ANKHD1: variants seen among roughly 807,000 people sequenced by gnomAD.
The protein encoded by ANKHD1 is ankyrin repeat and KH domain containing 1, also known as ankyrin repeat and KH domain-containing protein 1.
Under a neutral mutation model 230.5 loss-of-function variants are expected in ANKHD1, and 31 were observed. The observed-to-expected ratio is 0.13, with a 90% CI of 0.10 to 0.18. ANKHD1 has a LOEUF of 0.18. ANKHD1 is among the 10% of genes least tolerant of loss of function. The pLI, the probability that ANKHD1 is intolerant of heterozygous loss-of-function variation, is 1.00. For synonymous variants in ANKHD1, 1,074 were observed against 1,117.6 expected (o/e 0.96, Z 0.78); for missense variants, 2,256 against 3,071.3 (o/e 0.73, Z 6.27).
intron 14 of ANKHD1, among the ~76,000 whole-genome samples, chr5:140,490,942 CTT>C (rs998509777): frequency 1.3e-5 from 2 of 151,540 alleles, no homozygotes; most frequent in Non-Finnish European, 2.9e-5. Flanking sequence ...TAACTTCTCT[CTT>C]GTTTCATTTA....
chr5:140,499,167 A>G (rs1752166923), intron 15 of ANKHD1, among the ~76,000 whole-genome samples: 1 of 152,034 alleles, frequency 6.6e-6, no homozygotes, highest in Non-Finnish European at 1.5e-5. Context: ...GTTTTGAACT[A>G]TATGGCAGTA....
chr5:140,496,171 C>T (rs556029713), intron 14 of ANKHD1, among the ~76,000 whole-genome samples: 2 of 152,208 alleles, frequency 1.3e-5, no homozygotes, highest in South Asian at 4.1e-4. Flanking sequence ...TTTAAAAAGT[C>T]CAATCTAATC....
At chr5:140,483,649 G>T (rs1333723480) in intron 11 of ANKHD1, among the ~76,000 whole-genome samples, 2 of 151,842 alleles carry the variant, frequency 1.3e-5, no homozygotes, top group Admixed American at 6.6e-5. Context: ...TAGAGACAGG[G>T]TTTTACCATG....
At chr5:140,413,972 G>T (rs1459563007) in intron 1 of ANKHD1, among the ~76,000 whole-genome samples, 1 of 152,000 alleles carries the variant, frequency 6.6e-6, no homozygotes, top group African/African-American at 2.4e-5. Context: ...GTGGAGATGG[G>T]GTTTTGCTAT....
At chr5:140,525,724 C>T (rs776890211) in intron 25 of ANKHD1, among the ~76,000 whole-genome samples, 5 of 151,794 alleles carry the variant, frequency 3.3e-5, no homozygotes, top group East Asian at 2.0e-4. Flanking sequence ...AAAAATTAGC[C>T]GGGCATGGTG....
At chr5:140,505,613 G>C in intron 17 of ANKHD1, 111 bp from the exon 18 acceptor site, 1 of 1,428,804 alleles carries the variant, frequency 7.0e-7, no homozygotes, top group South Asian at 1.5e-5. Context: ...CTCATTATCA[G>C]TGTCTGCCCT....
intron 22 of ANKHD1, among the ~76,000 whole-genome samples, chr5:140,511,108 G>C (rs1752747227): frequency 6.6e-6 from 1 of 152,132 alleles, no homozygotes; most frequent in Non-Finnish European, 1.5e-5. Context: ...ATGGGCGTGA[G>C]CCATGCCTCT....
chr5:140,402,462 A>G (rs1453168331), intron 1 of ANKHD1, among the ~76,000 whole-genome samples, 189 bp downstream of exon 1: 1 of 152,182 alleles, frequency 6.6e-6, no homozygotes, highest in East Asian at 1.9e-4. Flanking sequence ...CGAGCGGGAC[A>G]GGTTCCCGTC....
intron 7 of ANKHD1, among the ~76,000 whole-genome samples, chr5:140,455,877 G>T (rs532992110): frequency 3.1e-4 from 47 of 152,284 alleles, no homozygotes; most frequent in African/African-American, 1.1e-3. Context: ...CAATCAGGAG[G>T]AGAAAGAAAT....
rs1250557011 is a variant in ANKHD1 at position 140,464,680 on chromosome 5, T to C, written c.1686T>C (p.His562=). 6.3e-7 allele frequency: 1 copy of C among 1,591,892 alleles called. No individual in the cohort carries two copies. Among genetic ancestry groups the C allele is most frequent in the East Asian group, 2.2e-5 (1 of 44,600 alleles). ...KYLLASGANV[H]ATTATGDTAL... is the part of the protein sequence containing the mutation. Reference sequence around the variant, plus strand: ...TTTGTTTGCTAGGCGCTAATGTGCATGCTACAACAGCAACAGGAGACACAG... The same window carrying C: ...TTTGTTTGCTAGGCGCTAATGTGCACGCTACAACAGCAACAGGAGACACAG... The change falls in exon 10 of 34, where the codon CAT becomes CAC. Residue 562 remains histidine (H), a synonymous_variant. Coordinates refer to ENST00000360839, the MANE Select transcript of ANKHD1 (RefSeq NM_017747.3).
intron 2 of ANKHD1, among the ~76,000 whole-genome samples, chr5:140,436,605 G>T (rs1246580935): frequency 1.3e-5 from 2 of 152,036 alleles, no homozygotes; most frequent in Non-Finnish European, 2.9e-5. Context: ...AATTAGCCAG[G>T]TATGGCGGTG....
intron 10 of ANKHD1, among the ~76,000 whole-genome samples, chr5:140,477,647 C>T (rs910937772): frequency 2.6e-5 from 4 of 152,190 alleles, no homozygotes; most frequent in African/African-American, 9.6e-5. Context: ...GAGTCTCACT[C>T]TGTCACCAGG....
At chr5:140,407,400 T>TTTTA (rs1018069967) in intron 1 of ANKHD1, among the ~76,000 whole-genome samples, 1 of 151,952 alleles carries the variant, frequency 6.6e-6, no homozygotes, top group East Asian at 1.9e-4. Context: ...CCCAGCCTAT[T>TTTTA]TTTATTTATT....
At chr5:140,445,312 C>G (rs187451730) in intron 5 of ANKHD1, among the ~76,000 whole-genome samples, 1 of 152,084 alleles carries the variant, frequency 6.6e-6, no homozygotes, top group African/African-American at 2.4e-5. Flanking sequence ...TTGAGACCAG[C>G]CTGCCAACAT....
At chr5:140,402,699 T>C (rs116624673) in intron 1 of ANKHD1, among the ~76,000 whole-genome samples, 130 of 152,250 alleles carry the variant, frequency 8.5e-4, no homozygotes, top group African/African-American at 3.0e-3. Context: ...GAGGGATACG[T>C]TTATTTGCCT....
chr5:140,504,626 G>C (rs141670397), intron 15 of ANKHD1, 195 bp from the exon 16 acceptor site: 2 of 712,700 alleles, frequency 2.8e-6, no homozygotes, highest in African/African-American at 3.7e-5. Flanking sequence ...GCTCAGAGAA[G>C]TTAAATTACT....
chr5:140,433,920 C>G (rs1773253742), intron 1 of ANKHD1, among the ~76,000 whole-genome samples: 1 of 152,046 alleles, frequency 6.6e-6, no homozygotes, highest in South Asian at 2.1e-4. Context: ...GTTGTATGAG[C>G]AGTTGCTTTT....
At chr5:140,427,151 C>A (rs1057324703) in intron 1 of ANKHD1, among the ~76,000 whole-genome samples, 1 of 146,302 alleles carries the variant, frequency 6.8e-6, no homozygotes, top group African/African-American at 2.5e-5. Context: ...GGGGGCTGAC[C>A]CCCCCCACCT....
intron 7 of ANKHD1, among the ~76,000 whole-genome samples, chr5:140,457,137 A>G (rs1013295673): frequency 3.9e-5 from 6 of 152,344 alleles, no homozygotes; most frequent in Admixed American, 1.3e-4. Context: ...AGAAATGCAA[A>G]TCAAAACCAC....
Sources: allele counts gnomAD v4.1 joint callset (sites outside exome capture counted in the v4.1 genomes callset), GRCh38; gene constraint gnomAD v4.1.1; transcripts MANE v1.5; gene names NCBI Gene and HGNC (gene_info 2026-07-23, HGNC 2026-07-21).